Variants in PI15 observed in about 807,000 individuals in gnomAD.
PI15 encodes peptidase inhibitor 15.
PI15 carries 18 observed loss-of-function variants against 31.0 expected under a neutral mutation model. That is an observed-to-expected ratio of 0.58 (90% CI 0.40 to 0.86). The LOEUF is 0.86. PI15 is among the 40% of genes least tolerant of loss of function. The pLI, the probability that PI15 is intolerant of heterozygous loss-of-function variation, is 0.00. For missense variants in PI15, 282 were observed against 328.1 expected (o/e 0.86, Z 1.09); for synonymous variants, 118 against 119.1 (o/e 0.99, Z 0.06).
At position 74,850,027 on chromosome 8, in the gene PI15, T is replaced by A. The variant is rs1315733624; in HGVS notation, c.*774T>A. On this transcript the variant is annotated 3_prime_UTR_variant, in exon 6 of 6. Coordinates refer to ENST00000260113, the MANE Select transcript of PI15 (RefSeq NM_015886.5). ...CTAATAATGCAGAGATAATTAGACA[T>A]GGTTCCCGCCCTCAAGAAGCTCACA... 2 of 152,320 alleles carry A rather than the reference T, an allele frequency of 1.3e-5. No individual in the cohort carries two copies. Among genetic ancestry groups the A allele is most frequent in the East Asian group, 3.9e-4 (2 of 5,190 alleles). 9.4% of individuals were successfully genotyped at this position (152,320 alleles called of 1,614,324 possible).
intron 5 of PI15, 66 bp from the exon 6 acceptor site, chr8:74,849,052 A>C: frequency 7.0e-7 from 1 of 1,428,154 alleles, no homozygotes; most frequent in African/African-American, 1.4e-5. Flanking sequence ...ATATGGCTTA[A>C]GGACAATCTA....
Position 74,837,004 on chromosome 8 carries a change from T to C in PI15, c.274-6977T>C, listed in dbSNP as rs552875364. On this transcript the variant is annotated intron_variant, in intron 2 of 5. Coordinates refer to ENST00000260113, the MANE Select transcript of PI15 (RefSeq NM_015886.5). ...ATTTTTACAAATATCTGTGTGCTTT[T>C]AAGATATTTATGTTGCTGGCAATGA... Among the ~76,000 whole-genome samples the C allele has an allele frequency of 2.0e-5, 3 of 152,174 alleles. No homozygotes were observed. In the East Asian group the frequency reaches 5.8e-4, roughly 29 times the overall value.
Position 74,851,658 on chromosome 8 carries a change from A to G in PI15, c.*2405A>G, listed in dbSNP as rs2128766937. On this transcript the variant is annotated 3_prime_UTR_variant, in exon 6 of 6. Coordinates refer to ENST00000260113, the MANE Select transcript of PI15 (RefSeq NM_015886.5). The stretch of plus-strand genomic sequence containing the variant: ...GGCTGTAACATAATAAATGTTTAAT[A>G]AATGCTTATATGAATGGATTTTTAG... The G allele has an allele frequency of 6.6e-6, 1 of 152,188 alleles. No individual in the cohort carries two copies. Among genetic ancestry groups the G allele is most frequent in the South Asian group, 2.1e-4 (1 of 4,826 alleles). 9.4% of individuals were successfully genotyped at this position (152,188 alleles called of 1,614,324 possible). A position where few individuals can be genotyped will look rare whatever the true frequency, so the allele number is the denominator to read the frequency against.
At position 74,825,368 on chromosome 8, in the gene PI15, T is replaced by C. The variant is rs746831059; in HGVS notation, c.119T>C (p.Ile40Thr). ...CCGCCAACCAATAATTTCACTGATA[T>C]TGAAGCAGCTCTGAAAGCACAATTA... is the stretch of plus-strand genomic sequence containing the variant. ...SSPPTNNFTD[I>T]EAALKAQLDS... Residue 40 changes from isoleucine (I) to threonine (T), a missense_variant, in exon 2 of 6, where the codon ATT (isoleucine) becomes ACT (threonine). Coordinates refer to ENST00000260113, the MANE Select transcript of PI15 (RefSeq NM_015886.5). 8 of 1,613,420 alleles carry C rather than the reference T, an allele frequency of 5.0e-6. No individual in the cohort carries two copies. The highest frequency in any genetic ancestry group is 3.3e-5 in the South Asian group (3 of 91,068).
chr8:74,848,310 C>T (rs1458153036), intron 5 of PI15, among the ~76,000 whole-genome samples: 3 of 151,992 alleles, frequency 2.0e-5, no homozygotes, highest in Non-Finnish European at 4.4e-5. Context: ...TGGTTTATAC[C>T]ATTATACCAT....
chr8:74,837,545 G>C (rs1459395392), intron 2 of PI15, among the ~76,000 whole-genome samples: 3 of 152,072 alleles, frequency 2.0e-5, no homozygotes, highest in African/African-American at 7.2e-5. Flanking sequence ...GTGTTTTTAA[G>C]CCTTTGACTG....
At chr8:74,848,983 T>C (rs1243519770) in intron 5 of PI15, 135 bp from the exon 6 acceptor site, 1 of 675,832 alleles carries the variant, frequency 1.5e-6, no homozygotes, top group Non-Finnish European at 2.5e-6. Flanking sequence ...GATTATAACT[T>C]TCAGTGACTT....
chr8:74,831,678 C>A (rs145264690), intron 2 of PI15, among the ~76,000 whole-genome samples: 46 of 152,166 alleles, frequency 3.0e-4, no homozygotes, highest in Admixed American at 1.4e-3. Flanking sequence ...ATACAGGGTT[C>A]TTTGGAATCC....
intron 2 of PI15, among the ~76,000 whole-genome samples, chr8:74,838,946 G>A (rs184273978): frequency 6.6e-6 from 1 of 152,296 alleles, no homozygotes; most frequent in Admixed American, 6.5e-5. Flanking sequence ...TAGAAAGACA[G>A]TTGATAAGAC....
rs1349299972 is a variant in PI15, at chr8:74,852,015, A to G, written c.*2762A>G. 1.3e-5 allele frequency: 2 copies of G among 152,582 alleles called. No homozygotes were observed. Among genetic ancestry groups the G allele is most frequent in the African/African-American group, 4.8e-5 (2 of 41,458 alleles). The allele number at this position is 152,582 out of a possible 1,614,324, so 9.5% of individuals were successfully genotyped here. A position where few individuals can be genotyped will look rare whatever the true frequency, so the allele number is the denominator to read the frequency against. On this transcript the variant is annotated 3_prime_UTR_variant, in exon 6 of 6. Transcript: ENST00000260113. ...CTAAAGCAAATGAAAGTTTGCTGGT[A>G]TCAACACAGCCTGCCATATTTTTCA...
intron 2 of PI15, among the ~76,000 whole-genome samples, chr8:74,833,016 T>C (rs912570168): frequency 3.3e-5 from 5 of 152,120 alleles, no homozygotes; most frequent in African/African-American, 1.2e-4. Context: ...TCCAGAGAGA[T>C]CATGTTTTCA....
intron 2 of PI15, among the ~76,000 whole-genome samples, chr8:74,841,621 A>G (rs1451329326): frequency 6.6e-6 from 1 of 152,206 alleles, no homozygotes; most frequent in Non-Finnish European, 1.5e-5. Context: ...ACTTTTTCCA[A>G]AGTAACTATA....
intron 2 of PI15, chr8:74,826,447 G>A (rs1038136593): frequency 1.1e-5 from 2 of 181,402 alleles, no homozygotes; most frequent in African/African-American, 2.4e-5. Flanking sequence ...CTTGTTTTAT[G>A]TAAATAAGTT....
At chr8:74,845,296 C>A in intron 4 of PI15, 36 bp downstream of exon 4, 1 of 1,603,262 alleles carries the variant, frequency 6.2e-7, no homozygotes. Flanking sequence ...TTGATTCATA[C>A]TTTTAAAATA....
intron 2 of PI15, among the ~76,000 whole-genome samples, chr8:74,830,115 A>G (rs1279203349): frequency 6.6e-6 from 1 of 152,076 alleles, no homozygotes; most frequent in Non-Finnish European, 1.5e-5. Flanking sequence ...CCAATCCTTC[A>G]GGCAAAGATA....
intron 2 of PI15, among the ~76,000 whole-genome samples, chr8:74,830,357 A>G (rs1810764165): frequency 6.6e-6 from 1 of 152,160 alleles, no homozygotes; most frequent in Non-Finnish European, 1.5e-5. Flanking sequence ...TATCTCTTTT[A>G]TTTGTTTGAT....
At chr8:74,831,298 T>A (rs574330881) in intron 2 of PI15, among the ~76,000 whole-genome samples, 213 of 152,308 alleles carry the variant, frequency 1.4e-3, no homozygotes, top group Non-Finnish European at 2.2e-3. Flanking sequence ...TGGACACAGT[T>A]TTTTTGGTGG....
intron 2 of PI15, among the ~76,000 whole-genome samples, chr8:74,842,199 C>T (rs750388381): frequency 2.7e-4 from 41 of 152,058 alleles, no homozygotes; most frequent in Non-Finnish European, 4.9e-4. Flanking sequence ...GCTACTAATC[C>T]TTACTTAGCT....
At chr8:74,842,134 T>C (rs1387674878) in intron 2 of PI15, among the ~76,000 whole-genome samples, 1 of 152,210 alleles carries the variant, frequency 6.6e-6, no homozygotes, top group Non-Finnish European at 1.5e-5. Flanking sequence ...TTTTCAGTGA[T>C]ATGGTCAAGC....
Sources: allele counts gnomAD v4.1 joint callset (sites outside exome capture counted in the v4.1 genomes callset), GRCh38; gene constraint gnomAD v4.1.1; transcripts MANE v1.5; gene names NCBI Gene and HGNC (gene_info 2026-07-23, HGNC 2026-07-21).